Variants in PCBP3 observed in about 807,000 individuals in gnomAD.
PCBP3 encodes poly(rC) binding protein 3, also known as poly(rC)-binding protein 3.
A neutral mutation model predicts 52.7 loss-of-function variants in PCBP3; 25 were observed. That is an observed-to-expected ratio of 0.47 (90% confidence interval 0.35 to 0.66). The LOEUF (loss-of-function observed/expected upper bound fraction) is 0.66. PCBP3 is among the 30% of genes least tolerant of loss of function. The pLI, the probability that PCBP3 is intolerant of heterozygous loss-of-function variation, is 0.01. For synonymous variants in PCBP3, 162 were observed against 183.0 expected (o/e 0.89, Z 0.93); for missense variants, 391 against 490.3 (o/e 0.80, Z 1.91).
intron 4 of PCBP3, among the ~76,000 whole-genome samples, chr21:45,796,987 A>G (rs1291840672): frequency 2.6e-5 from 4 of 152,242 alleles, no homozygotes; most frequent in Admixed American, 6.5e-5. Context: ...GTCTGGGGAC[A>G]GGCCATGGAG....
rs562285497 is a variant in PCBP3 at position 45,767,561 on chromosome 21, G to A, written c.-126+12109G>A. Among the ~76,000 whole-genome samples the A allele has an allele frequency of 1.1e-4, 17 of 152,300 alleles. No individual in the cohort carries two copies. In the East Asian group the frequency reaches 1.7e-3, roughly 16 times the overall value. The stretch of plus-strand genomic sequence containing the variant: ...CCTTAGGAGTGGACCTGGGGGACAC[G>A]TAGAGACTCTGTGTTAACTGACTGA... On this transcript the variant is annotated intron_variant, in intron 4 of 17. Transcript: ENST00000681687.
chr21:45,753,416 C>T (rs965890765), intron 3 of PCBP3, among the ~76,000 whole-genome samples: 3 of 151,166 alleles, frequency 2.0e-5, no homozygotes. Context: ...TTTTTCTTTC[C>T]CCTTTTTCAG....
At chr21:45,746,970 G>A (rs1043674534) in intron 3 of PCBP3, among the ~76,000 whole-genome samples, 2 of 147,840 alleles carry the variant, frequency 1.4e-5, no homozygotes, top group African/African-American at 5.0e-5. Flanking sequence ...CAGCATCGCT[G>A]TGTCAGTCCA....
chr21:45,862,304 T>A (rs914347042), intron 5 of PCBP3, among the ~76,000 whole-genome samples: 18 of 152,166 alleles, frequency 1.2e-4, no homozygotes, highest in African/African-American at 3.9e-4. Flanking sequence ...TCAGAATAAA[T>A]GCATAAAAAT....
chr21:45,910,178 C>T (rs1481529521), intron 10 of PCBP3, among the ~76,000 whole-genome samples: 1 of 4,486 alleles, frequency 2.2e-4, no homozygotes, highest in Admixed American at 1.9e-3. Context: ...TGCCCAGATA[C>T]GGACCCCCCC....
chr21:45,841,440 C>T (rs1404980968), intron 4 of PCBP3, among the ~76,000 whole-genome samples: 1 of 149,444 alleles, frequency 6.7e-6, no homozygotes, highest in Non-Finnish European at 1.5e-5. Flanking sequence ...TTCGTGAGTT[C>T]TGTCAATAGT....
At chr21:45,687,761 G>A (rs1458073012) in intron 2 of PCBP3, among the ~76,000 whole-genome samples, 1 of 150,516 alleles carries the variant, frequency 6.6e-6, no homozygotes, top group African/African-American at 2.5e-5. Flanking sequence ...ATGGAGTCTC[G>A]CTATGTTGCC....
chr21:45,860,888 G>GCT (rs960925677), intron 5 of PCBP3, among the ~76,000 whole-genome samples: 1 of 152,208 alleles, frequency 6.6e-6, no homozygotes, highest in African/African-American at 2.4e-5. Context: ...GAGGTGCAGT[G>GCT]CTCGCCTTGG....
chr21:45,882,458 T>C (rs1038134275), intron 5 of PCBP3, among the ~76,000 whole-genome samples: 1 of 152,048 alleles, frequency 6.6e-6, no homozygotes, highest in Admixed American at 6.6e-5. Context: ...TGGTTTGCAG[T>C]TTTTTTTCCA....
chr21:45,682,270 T>G (rs2081900411), intron 2 of PCBP3, among the ~76,000 whole-genome samples: 1 of 152,170 alleles, frequency 6.6e-6, no homozygotes, highest in Non-Finnish European at 1.5e-5. Context: ...TGTCATTCCT[T>G]GGGTCGCACG....
At chr21:45,833,310 A>G (rs1389571751) in intron 4 of PCBP3, among the ~76,000 whole-genome samples, 1 of 152,200 alleles carries the variant, frequency 6.6e-6, no homozygotes, top group Non-Finnish European at 1.5e-5. Context: ...CGGGTTACTT[A>G]ATGCCATCAG....
At chr21:45,923,824 G>T in intron 13 of PCBP3, among the ~76,000 whole-genome samples, 1 of 151,000 alleles carries the variant, frequency 6.6e-6, no homozygotes, top group African/African-American at 2.4e-5. Context: ...TGTGCACGAG[G>T]AGATGCGAAC....
chr21:45,873,963 G>A (rs920547882), intron 5 of PCBP3, among the ~76,000 whole-genome samples: 6 of 152,192 alleles, frequency 3.9e-5, no homozygotes, highest in Admixed American at 6.5e-5. Flanking sequence ...AAGGTCTCCC[G>A]ATATTGCCCA....
At chr21:45,787,310 T>C (rs2091230002) in intron 4 of PCBP3, among the ~76,000 whole-genome samples, 1 of 152,126 alleles carries the variant, frequency 6.6e-6, no homozygotes. Context: ...AATGGCGTGA[T>C]CATAGCTCAC....
At chr21:45,929,016 T>C (rs1246156876) in intron 13 of PCBP3, among the ~76,000 whole-genome samples, 1 of 152,206 alleles carries the variant, frequency 6.6e-6, no homozygotes, top group Non-Finnish European at 1.5e-5. Context: ...CACCATGCCC[T>C]CTGCTGAGCA....
At chr21:45,801,286 C>G (rs1286440195) in intron 4 of PCBP3, among the ~76,000 whole-genome samples, 1 of 152,242 alleles carries the variant, frequency 6.6e-6, no homozygotes, top group Non-Finnish European at 1.5e-5. Context: ...TCCTCTGTCC[C>G]CACTCACAGC....
chr21:45,935,206 G>C (rs1467566628), intron 15 of PCBP3, 47 bp from the exon 16 acceptor site: 3 of 1,411,150 alleles, frequency 2.1e-6, no homozygotes. Flanking sequence ...GAGTGTGACT[G>C]TTAGCAGCCT....
At chr21:45,784,866 C>G (rs1603424782) in intron 4 of PCBP3, among the ~76,000 whole-genome samples, 1 of 152,232 alleles carries the variant, frequency 6.6e-6, no homozygotes, top group South Asian at 2.1e-4. Context: ...AGATTGCAGC[C>G]TCTGCCCGGC....
At chr21:45,930,047 C>T in intron 14 of PCBP3, 52 bp downstream of exon 14, 1 of 1,329,950 alleles carries the variant, frequency 7.5e-7, no homozygotes, top group East Asian at 2.3e-5. Context: ...TGGGGACTTT[C>T]TCTTTCTGAG....
Sources: allele counts gnomAD v4.1 joint callset (sites outside exome capture counted in the v4.1 genomes callset), GRCh38; gene constraint gnomAD v4.1.1; transcripts MANE v1.5; gene names NCBI Gene and HGNC (gene_info 2026-07-23, HGNC 2026-07-21).